NLGN1: variants seen among roughly 807,000 people sequenced by gnomAD.
The protein encoded by NLGN1 is neuroligin-1.
NLGN1 carries 12 observed loss-of-function variants against 65.5 expected under a neutral mutation model. That is an observed-to-expected ratio of 0.18 (90% CI 0.12 to 0.30). The LOEUF (loss-of-function observed/expected upper bound fraction) is 0.30. Among genes scored for constraint, NLGN1 ranks in the 10% least tolerant of loss-of-function variants. The pLI, the probability that NLGN1 is intolerant of heterozygous loss-of-function variation, is 1.00. For missense variants in NLGN1, 750 were observed against 1,007.1 expected (o/e 0.74, Z 3.46); for synonymous variants, 350 against 359.5 (o/e 0.97, Z 0.30).
chr3:174,275,383 A>G (rs776084145), exon 5 of NLGN1: 1 of 1,612,792 alleles, frequency 6.2e-7, no homozygotes, highest in Non-Finnish European at 8.5e-7. Flanking sequence ...ACAAGCTTTA[A>G]GATGGACTAG....
At chr3:173,589,983 A>T (rs532905838) in intron 2 of NLGN1, among the ~76,000 whole-genome samples, 2 of 152,170 alleles carry the variant, frequency 1.3e-5, no homozygotes, top group Non-Finnish European at 2.9e-5. Flanking sequence ...AGTAATATTG[A>T]GTTGATAAAA....
intron 4 of NLGN1, among the ~76,000 whole-genome samples, chr3:173,861,497 C>T (rs1004334409): frequency 2.7e-5 from 4 of 148,056 alleles, no homozygotes; most frequent in African/African-American, 1.0e-4. Context: ...TAAGAATTGC[C>T]AATTCCAGTA....
At chr3:173,436,482 G>A (rs533496356) in intron 2 of NLGN1, among the ~76,000 whole-genome samples, 1 of 152,126 alleles carries the variant, frequency 6.6e-6, no homozygotes, top group South Asian at 2.1e-4. Flanking sequence ...CCTTACATTA[G>A]GGAAGTCAAA....
At chr3:173,491,865 T>C (rs1365681998) in intron 2 of NLGN1, among the ~76,000 whole-genome samples, 1 of 151,780 alleles carries the variant, frequency 6.6e-6, no homozygotes, top group Admixed American at 6.6e-5. Flanking sequence ...TCATCCTAAG[T>C]TGCCATTAAC....
intron 4 of NLGN1, among the ~76,000 whole-genome samples, chr3:173,808,764 T>A (rs1452357964): frequency 6.6e-6 from 1 of 152,126 alleles, no homozygotes; most frequent in Non-Finnish European, 1.5e-5. Flanking sequence ...AAATTATAAT[T>A]TTGTTTATAC....
chr3:173,446,565 C>T (rs1720373054), intron 2 of NLGN1, among the ~76,000 whole-genome samples: 1 of 152,176 alleles, frequency 6.6e-6, no homozygotes, highest in Non-Finnish European at 1.5e-5. Flanking sequence ...ATTTACAATC[C>T]TTTGGGTATA....
intron 3 of NLGN1, among the ~76,000 whole-genome samples, chr3:173,643,518 G>C (rs1757733265): frequency 6.6e-6 from 1 of 152,164 alleles, no homozygotes; most frequent in Admixed American, 6.5e-5. Context: ...GGTGAGCAAA[G>C]TACTTCAAAG....
intron 4 of NLGN1, among the ~76,000 whole-genome samples, chr3:174,158,409 G>A (rs1351881088): frequency 6.6e-6 from 1 of 151,700 alleles, no homozygotes; most frequent in South Asian, 2.1e-4. Context: ...ATAAATCTGG[G>A]TGAAAGAAGA....
At chr3:173,937,632 T>C (rs1745287200) in intron 4 of NLGN1, among the ~76,000 whole-genome samples, 1 of 152,156 alleles carries the variant, frequency 6.6e-6, no homozygotes, top group Non-Finnish European at 1.5e-5. Context: ...ATCTATGCCA[T>C]ATCCCTTAGT....
chr3:173,903,736 C>T (rs1013375951), intron 4 of NLGN1, among the ~76,000 whole-genome samples: 3 of 152,182 alleles, frequency 2.0e-5, no homozygotes, highest in East Asian at 1.9e-4. Context: ...AACAATGAAG[C>T]GATTGCTGAA....
chr3:174,135,106 C>T (rs1247533477), intron 4 of NLGN1, among the ~76,000 whole-genome samples: 1 of 152,160 alleles, frequency 6.6e-6, no homozygotes, highest in Non-Finnish European at 1.5e-5. Context: ...ACGTGTAACA[C>T]TATTGTTTCT....
chr3:174,088,253 A>G (rs1227902370), intron 4 of NLGN1, among the ~76,000 whole-genome samples: 1 of 152,162 alleles, frequency 6.6e-6, no homozygotes, highest in Non-Finnish European at 1.5e-5. Flanking sequence ...TTTACGAGAG[A>G]AGGCAATAAG....
rs1744712029 is a variant in NLGN1, at chr3:174,251,199, GTTTA to G, written c.647-24109_647-24106del. Among the ~76,000 whole-genome samples, 2 of 152,088 alleles carry G rather than the reference GTTTA, an allele frequency of 1.3e-5. 1 individual carries two copies. The highest frequency in any genetic ancestry group is 4.1e-4 in the South Asian group (2 of 4,820). On this transcript the variant is annotated intron_variant, in intron 4 of 6. Transcript: ENST00000457714. ...ACAAAATGAACATTTTTCAAATAATGTTTATTTATTATTGGATTTTCAGTTCACA... is the reference window on the plus strand; with the variant it reads ...ACAAAATGAACATTTTTCAAATAATGTTTATTATTGGATTTTCAGTTCACA...
chr3:174,171,180 G>A (rs892994253), intron 4 of NLGN1, among the ~76,000 whole-genome samples: 1 of 151,934 alleles, frequency 6.6e-6, no homozygotes, highest in African/African-American at 2.4e-5. Context: ...AAATATTTTT[G>A]CAAACAAATG....
chr3:173,458,101 A>C (rs1722793317), intron 2 of NLGN1, among the ~76,000 whole-genome samples: 1 of 152,026 alleles, frequency 6.6e-6, no homozygotes, highest in Admixed American at 6.6e-5. Context: ...GGAAAGTAGA[A>C]GAGGAGTAAG....
At position 174,194,846 on chromosome 3, in the gene NLGN1, T is replaced by C. The variant is rs1180240205; in HGVS notation, c.647-80469T>C. On this transcript the variant is annotated intron_variant, in intron 4 of 6. Transcript: ENST00000457714. ...GAAAGTTTCAGTGAACCATTCAAGA[T>C]TTTTTTTTCTTTTTTCTTTTTTCTT... Among the ~76,000 whole-genome samples, 9 of 136,222 alleles carry C rather than the reference T, an allele frequency of 6.6e-5. No homozygotes were observed. The East Asian group carries it at 1.8e-3, about 28-fold the overall frequency. The allele number at this position is 136,222 out of a possible 152,430, so 89.4% of individuals were successfully genotyped here.
chr3:174,233,885 G>A (rs1015469618), intron 4 of NLGN1, among the ~76,000 whole-genome samples: 1 of 152,086 alleles, frequency 6.6e-6, no homozygotes, highest in Non-Finnish European at 1.5e-5. Flanking sequence ...CTTTAGTAGT[G>A]ATAAAAATGC....
chr3:173,680,869 C>T (rs1418387769), intron 3 of NLGN1, among the ~76,000 whole-genome samples: 1 of 152,088 alleles, frequency 6.6e-6, no homozygotes. Context: ...CTTTCTGGCT[C>T]CAACTGAAGC....
rs145890347 is a variant in NLGN1, at chr3:174,028,982, G to A, written c.646+221150G>A. 3.9e-5 allele frequency among the ~76,000 whole-genome samples: 6 copies of A among 152,086 alleles called. No homozygotes were observed. The East Asian group carries it at 9.8e-4, about 25-fold the overall frequency. ...GAGCTCAGGCCATCAGAGGATGTAC[G>A]GAAATGCCTGGATATCCAGGCAGAA... On this transcript the variant is annotated intron_variant, in intron 4 of 6. Coordinates refer to ENST00000457714, the Ensembl canonical transcript of NLGN1.
Sources: gnomAD v4.1 joint callset for allele counts (sites outside exome capture counted in the v4.1 genomes callset) on GRCh38, gnomAD v4.1.1 for gene constraint, MANE v1.5 for transcripts, NCBI Gene and HGNC (gene_info 2026-07-23, HGNC 2026-07-21) for gene names.